The following USP49 variants were observed in gnomAD, a reference collection of about 807,000 sequenced individuals.
USP49 encodes the protein ubiquitin specific peptidase 49.
USP49 carries 24 observed loss-of-function variants against 58.6 expected under a neutral mutation model. The ratio of observed to expected loss-of-function variants is 0.41; its 90% CI spans 0.30 to 0.58. The LOEUF (loss-of-function observed/expected upper bound fraction) is 0.58. USP49 is among the 20% of genes least tolerant of loss of function. The probability of loss-of-function intolerance (pLI) is 0.30; values close to 1 mark genes in which losing one functional copy is unlikely to be tolerated. For synonymous variants in USP49, 408 were observed against 365.1 expected (o/e 1.12, Z -1.34); for missense variants, 703 against 866.1 (o/e 0.81, Z 2.36).
chr6:41,812,550 G>A (rs1409845421), intron 3 of USP49, among the ~76,000 whole-genome samples: 1 of 151,766 alleles, frequency 6.6e-6, no homozygotes, highest in Non-Finnish European at 1.5e-5. Context: ...AAAAATAGCC[G>A]GGCGTGGTGG....
intron 4 of USP49, among the ~76,000 whole-genome samples, chr6:41,804,910 G>A (rs558638170): frequency 2.0e-5 from 3 of 152,190 alleles, no homozygotes; most frequent in East Asian, 1.9e-4. Flanking sequence ...CACCACGCCC[G>A]GCTAATTTTG....
chr6:41,805,500 A>G, intron 4 of USP49, 128 bp downstream of exon 4: 1 of 1,017,774 alleles, frequency 9.8e-7, no homozygotes, highest in African/African-American at 1.6e-5. Context: ...TATAATGGCC[A>G]CCCTCCAAAT....
chr6:41,811,451 T>C (rs144523369), intron 3 of USP49, among the ~76,000 whole-genome samples: 4 of 152,318 alleles, frequency 2.6e-5, no homozygotes, highest in East Asian at 3.9e-4. Context: ...TTTATAGGTA[T>C]GTATGTACAG....
intron 3 of USP49, among the ~76,000 whole-genome samples, chr6:41,855,279 C>T (rs1774106817): frequency 6.6e-6 from 1 of 151,408 alleles, no homozygotes; most frequent in Non-Finnish European, 1.5e-5. Context: ...CTTTGGGAGG[C>T]CAAGGCAGGC....
chr6:41,793,749 A>C lies in USP49; in HGVS notation c.*2784T>G, dbSNP rs1286092550. On this transcript the variant is annotated 3_prime_UTR_variant, in exon 8 of 8. Coordinates refer to ENST00000682992, the MANE Select transcript of USP49 (RefSeq NM_001286554.2). ...AGAGGCAACCACAGATATGAGGGTCAGGCTAGATTGAGGTAAAAAAAAATC... is the reference window on the plus strand; with the variant it reads ...AGAGGCAACCACAGATATGAGGGTCCGGCTAGATTGAGGTAAAAAAAAATC... 6.6e-6 allele frequency: 1 copy of C among 152,232 alleles called. No homozygotes were observed. The highest frequency in any genetic ancestry group is 1.5e-5 in the Non-Finnish European group (1 of 68,036). The allele number at this position is 152,232 out of a possible 1,614,324, so 9.4% of individuals were successfully genotyped here.
chr6:41,848,117 A>G (rs1279907917), intron 3 of USP49, among the ~76,000 whole-genome samples: 1 of 152,214 alleles, frequency 6.6e-6, no homozygotes, highest in Non-Finnish European at 1.5e-5. Flanking sequence ...CTGTATGTGA[A>G]TGAAGTTTTT....
At chr6:41,822,084 T>C (rs1217549247) in intron 3 of USP49, among the ~76,000 whole-genome samples, 2 of 152,156 alleles carry the variant, frequency 1.3e-5, no homozygotes, top group Non-Finnish European at 2.9e-5. Context: ...GTATGTATAG[T>C]AGAGTAATAG....
rs201490425 is a variant in USP49 at position 41,806,802 on chromosome 6, G to A, written c.182C>T (p.Thr61Met). The A allele has an allele frequency of 5.6e-6, 9 of 1,614,038 alleles. No individual in the cohort carries two copies. Among genetic ancestry groups the A allele is most frequent in the Non-Finnish European group, 7.6e-6 (9 of 1,180,034 alleles). The change falls in exon 4 of 8, where the codon ACG becomes ATG. Residue 61 changes from threonine to methionine, a missense_variant. Thr to Met is a moderately conservative substitution (Grantham distance 81, BLOSUM62 -1). Transcript: ENST00000682992. The surrounding 1 kb of genome is among the most constrained non-coding windows in gnomAD (Gnocchi z 5.9). ...GACTTCCATGGCTAGCGGGTGTCCC[G>A]TCTCCTCAAAGTGTTTCAGGGCGTG... ...EDHALKHFEE[T>M]GHPLAMEVRD...
chr6:41,859,053 C>CTA (rs935640401), intron 3 of USP49, among the ~76,000 whole-genome samples: 4 of 152,210 alleles, frequency 2.6e-5, no homozygotes, highest in Non-Finnish European at 4.4e-5. Flanking sequence ...TTTAAACTAT[C>CTA]ATCAGTTCTA....
rs186455975 is a variant in USP49 at position 41,876,648 on chromosome 6, G to A, written c.-102-5011C>T. 4.8e-3 allele frequency among the ~76,000 whole-genome samples: 730 copies of A among 152,184 alleles called. 5 individuals are homozygous for A. The highest frequency in any genetic ancestry group is 0.016 in the African/African-American group (684 of 41,520). On this transcript the variant is annotated intron_variant, in intron 2 of 7. Transcript: ENST00000682992. ...AGGATGGTCTCAAACTCCTGACCTC[G>A]TGATCCGCCAGCCTCGGCCTCCCAA...
intron 3 of USP49, among the ~76,000 whole-genome samples, chr6:41,832,554 C>T (rs926792282): frequency 6.6e-6 from 1 of 152,120 alleles, no homozygotes; most frequent in Non-Finnish European, 1.5e-5. Context: ...TTTTTAATGG[C>T]TCCCAAAAAT....
intron 3 of USP49, among the ~76,000 whole-genome samples, chr6:41,863,192 CTT>C (rs1036561041): frequency 1.3e-5 from 2 of 152,184 alleles, no homozygotes; most frequent in Non-Finnish European, 2.9e-5. Flanking sequence ...CTGACTTTCT[CTT>C]TAACTCCTTA....
intron 2 of USP49, among the ~76,000 whole-genome samples, chr6:41,874,564 G>C (rs1051899433): frequency 3.9e-5 from 6 of 152,180 alleles, no homozygotes; most frequent in African/African-American, 1.4e-4. Flanking sequence ...CTGTGAGGTA[G>C]ATATTTTTTA....
chr6:41,808,949 T>C (rs1314384917), intron 3 of USP49, among the ~76,000 whole-genome samples: 3 of 151,994 alleles, frequency 2.0e-5, no homozygotes, highest in Non-Finnish European at 2.9e-5. Context: ...AGGGTCTCTC[T>C]GTCACCCAGC....
intron 2 of USP49, among the ~76,000 whole-genome samples, chr6:41,890,223 C>T (rs994416234): frequency 6.6e-6 from 1 of 151,886 alleles, no homozygotes; most frequent in Non-Finnish European, 1.5e-5. Flanking sequence ...ACTAAAAATA[C>T]AAAACCTTGG....
intron 2 of USP49, among the ~76,000 whole-genome samples, chr6:41,877,641 C>T (rs1031196625): frequency 6.6e-6 from 1 of 151,030 alleles, no homozygotes; most frequent in Non-Finnish European, 1.5e-5. Flanking sequence ...TAGCTCACTG[C>T]AACCTCTGCC....
rs1248486605 is a variant in USP49 at position 41,824,547 on chromosome 6, T to C, written c.-28-17536A>G. 3.3e-5 allele frequency among the ~76,000 whole-genome samples: 5 copies of C among 152,046 alleles called. No homozygotes were observed. In the East Asian group the frequency reaches 7.7e-4, roughly 24 times the overall value. ...CCAACATGGAGAAACCCCGTCTCTATTAAAAAATACAAAATTAGCGTGGTG... is the reference window on the plus strand; with the variant it reads ...CCAACATGGAGAAACCCCGTCTCTACTAAAAAATACAAAATTAGCGTGGTG... On this transcript the variant is annotated intron_variant, in intron 3 of 7. Transcript: ENST00000682992.
In USP49 at chr6:41,798,865, T is replaced by C; in HGVS notation, c.1735A>G (p.Met579Val). The C allele has an allele frequency of 6.2e-7, 1 of 1,614,050 alleles. No individual in the cohort carries two copies. Among genetic ancestry groups the C allele is most frequent in the Non-Finnish European group, 8.5e-7 (1 of 1,179,988 alleles). The change falls in exon 7 of 8, where the codon ATG (methionine) becomes GTG (valine). Residue 579 changes from methionine to valine, a missense_variant. Met to Val is a conservative substitution (Grantham distance 21). Around this residue, in one of 6 missense-constraint regions of USP49, gnomAD observed 158 missense variants for 241.2 expected, o/e 0.66. Coordinates refer to ENST00000682992, the MANE Select transcript of USP49 (RefSeq NM_001286554.2). ...ATGTCCCTGCAGCAGTAAGGTTCCATGGTTAATACCTGGTCAAAGACGACA... is the reference window on the plus strand; with the variant it reads ...ATGTCCCTGCAGCAGTAAGGTTCCACGGTTAATACCTGGTCAAAGACGACA... ...VHVVFDQVLT[M>V]EPYCCRDMLS...
intron 3 of USP49, among the ~76,000 whole-genome samples, chr6:41,818,180 G>C (rs888799767): frequency 4.6e-5 from 7 of 152,066 alleles, no homozygotes; most frequent in East Asian, 1.9e-4. Flanking sequence ...GGCCCTGAAG[G>C]GATCAGACTT....
Sources: allele counts gnomAD v4.1 joint callset (sites outside exome capture counted in the v4.1 genomes callset), GRCh38; gene constraint gnomAD v4.1.1; regional missense constraint gnomAD v4.1.1; non-coding constraint Gnocchi (gnomAD v3.1); transcripts MANE v1.5; gene names NCBI Gene and HGNC (gene_info 2026-07-23, HGNC 2026-07-21).